Variants in NT5M observed in about 807,000 individuals in gnomAD.
NT5M encodes the protein 5'(3')-deoxyribonucleotidase, mitochondrial.
A neutral mutation model predicts 22.2 loss-of-function variants in NT5M; 22 were observed. The ratio of observed to expected loss-of-function variants is 0.99; its 90% CI spans 0.71 to 1.41. The LOEUF is 1.41. Among genes scored for constraint, NT5M ranks in the 40% most tolerant of loss-of-function variants. The probability of loss-of-function intolerance (pLI) is 0.00; values close to 1 mark genes in which losing one functional copy is unlikely to be tolerated. For missense variants in NT5M, 322 were observed against 314.8 expected (o/e 1.02, Z -0.17); for synonymous variants, 167 against 133.0 (o/e 1.26, Z -1.76).
chr17:17,308,385 A>G (rs2048854635), intron 2 of NT5M, among the ~76,000 whole-genome samples: 1 of 152,004 alleles, frequency 6.6e-6, no homozygotes, highest in Non-Finnish European at 1.5e-5. Flanking sequence ...AGAGGTCAGG[A>G]GTTCGAGACC....
rs889209759 is a variant in NT5M at position 17,347,159 on chromosome 17, G to C, written c.*212G>C. On this transcript the variant is annotated 3_prime_UTR_variant, in exon 5 of 5. Coordinates refer to ENST00000389022, the MANE Select transcript of NT5M (RefSeq NM_020201.4). ...CCTCTGGGCGCTTGGACATAGACACGTGGTCCCAGGCCGTTCAGCCTGACC... is the reference window on the plus strand; with the variant it reads ...CCTCTGGGCGCTTGGACATAGACACCTGGTCCCAGGCCGTTCAGCCTGACC... The C allele has an allele frequency of 9.5e-6, 6 of 630,956 alleles. No homozygotes were observed. Among genetic ancestry groups the C allele is most frequent in the African/African-American group, 9.3e-5 (5 of 53,934 alleles). 39.1% of individuals were successfully genotyped at this position (630,956 alleles called of 1,614,324 possible). A position where few individuals can be genotyped will look rare whatever the true frequency, so the allele number is the denominator to read the frequency against.
At chr17:17,330,898 A>T (rs2049370794) in intron 3 of NT5M, among the ~76,000 whole-genome samples, 1 of 151,594 alleles carries the variant, frequency 6.6e-6, no homozygotes, top group South Asian at 2.1e-4. Context: ...ACATGCTACC[A>T]CACCTGTCTA....
At chr17:17,335,192 C>T (rs1432488988) in intron 3 of NT5M, among the ~76,000 whole-genome samples, 1 of 151,116 alleles carries the variant, frequency 6.6e-6, no homozygotes, top group African/African-American at 2.4e-5. Context: ...GTGTACAGTT[C>T]AGCTTATTTC....
chr17:17,318,480 CAAAAAA>C (rs71355545), intron 2 of NT5M, among the ~76,000 whole-genome samples: 2,883 of 42,088 alleles, frequency 0.068, 113 homozygotes, highest in African/African-American at 0.2. Context: ...GACTCTGTCT[CAAAAAA>C]AAAAAAAAAA....
chr17:17,322,176 A>G (rs1436123435), intron 2 of NT5M, among the ~76,000 whole-genome samples: 1 of 152,124 alleles, frequency 6.6e-6, no homozygotes, highest in Non-Finnish European at 1.5e-5. Flanking sequence ...AAGGGACAGT[A>G]ACTGGCAATG....
intron 1 of NT5M, chr17:17,304,576 C>G (rs775254283): frequency 1.2e-4 from 34 of 286,006 alleles, no homozygotes; most frequent in Non-Finnish European, 1.7e-4. Flanking sequence ...GATTGGCCAC[C>G]TAGGGTTGCT....
In NT5M at chr17:17,303,384, G is replaced by C; in HGVS notation, c.-167G>C. 2 of 813,722 alleles carry C rather than the reference G, an allele frequency of 2.5e-6. No homozygotes were observed. Among genetic ancestry groups the C allele is most frequent in the South Asian group, 5.6e-5 (1 of 17,772 alleles). 50.4% of individuals were successfully genotyped at this position (813,722 alleles called of 1,614,324 possible). A position where few individuals can be genotyped will look rare whatever the true frequency, so the allele number is the denominator to read the frequency against. On this transcript the variant is annotated 5_prime_UTR_variant, in exon 1 of 5. Transcript: ENST00000389022. ...CGCGCCGCGGCCTCGCTCTGGGGCC[G>C]GTACTTGCGCGCCCGCACCCCGCGC...
At position 17,309,115 on chromosome 17, in the gene NT5M, T is replaced by TTTTC. The variant is rs566523183; in HGVS notation, c.368+2484_368+2487dup. The stretch of plus-strand genomic sequence containing the variant: ...TTGTTTGAATCTTGTTTTCAATTCT[T>TTTTC]TTTCTTTCTTTCTTTTTTTTTTTTT... On this transcript the variant is annotated intron_variant, in intron 2 of 4. Coordinates refer to ENST00000389022, the MANE Select transcript of NT5M (RefSeq NM_020201.4). Among the ~76,000 whole-genome samples the TTTTC allele has an allele frequency of 4.5e-4, 68 of 149,564 alleles. 1 individual carries two copies. The South Asian group carries it at 0.01, about 23-fold the overall frequency.
At position 17,344,841 on chromosome 17, in the gene NT5M, T is replaced by G; in HGVS notation, c.477T>G (p.Ile159Met). 6.2e-7 allele frequency: 1 copy of G among 1,614,212 alleles called. No individual in the cohort carries two copies. The highest frequency in any genetic ancestry group is 8.5e-7 in the Non-Finnish European group (1 of 1,180,016). The change falls in exon 4 of 5, where the codon ATT (isoleucine) becomes ATG (methionine). Residue 159 changes from isoleucine to methionine, a missense_variant. Transcript: ENST00000389022. ...TTGGCCCTGACTTTCTGGAGCAGAT[T>G]GTGCTGACCAGAGACAAGACCGTGG... ...KYFGPDFLEQ[I>M]VLTRDKTVVS...
intron 3 of NT5M, among the ~76,000 whole-genome samples, chr17:17,325,100 G>A (rs745820876): frequency 3.9e-5 from 6 of 152,140 alleles, no homozygotes; most frequent in African/African-American, 7.2e-5. Context: ...TGGGTCTGAC[G>A]AGCCCGCCAG....
At chr17:17,305,394 G>GCCCCCCCCCCCCCCCCCCCCCCCC (rs34579357) in intron 1 of NT5M, among the ~76,000 whole-genome samples, 1 of 74,098 alleles carries the variant, frequency 1.3e-5, no homozygotes, top group African/African-American at 5.0e-5. Context: ...TAAAACAACC[G>GCCCCCCCCCCCCCCCCCCCCCCCC]CCCCCCCCCC....
intron 3 of NT5M, among the ~76,000 whole-genome samples, chr17:17,341,552 G>C (rs2049641393): frequency 6.6e-6 from 1 of 152,194 alleles, no homozygotes; most frequent in Admixed American, 6.5e-5. Context: ...CACTCACGAG[G>C]TAGATGCTGT....
intron 3 of NT5M, among the ~76,000 whole-genome samples, chr17:17,335,727 G>A (rs1361197388): frequency 1.3e-5 from 2 of 151,554 alleles, no homozygotes; most frequent in Non-Finnish European, 2.9e-5. Flanking sequence ...CTGCCTCCTG[G>A]GTTCAAGCAG....
Position 17,306,609 on chromosome 17 carries a change from GT to G in NT5M, c.335del (p.Val112GlyfsTer50). The G allele has an allele frequency of 2.5e-6, 4 of 1,613,930 alleles. No individual in the cohort carries two copies. Among genetic ancestry groups the G allele is most frequent in the Non-Finnish European group, 3.4e-6 (4 of 1,179,876 alleles). On this transcript the variant is annotated frameshift_variant, in exon 2 of 5. Transcript: ENST00000389022. LOFTEE classifies it high-confidence loss of function. ...FFELEPLPGAVEAVKEMASLQ... is the reference protein window; with the variant it reads ...FFELEPLPGAXEAVKEMASLQ... The stretch of plus-strand genomic sequence containing the variant: ...TGAACTTGAGCCTCTGCCAGGGGCC[GT>G]GGAAGCTGTCAAGGAGATGGCCAGC...
intron 3 of NT5M, among the ~76,000 whole-genome samples, chr17:17,330,595 C>T (rs1375466524): frequency 3.9e-5 from 6 of 151,914 alleles, no homozygotes; most frequent in Non-Finnish European, 8.8e-5. Flanking sequence ...AGGCTGGTCT[C>T]GAACTCCTGA....
At chr17:17,334,027 G>A (rs2049445009) in intron 3 of NT5M, among the ~76,000 whole-genome samples, 1 of 151,814 alleles carries the variant, frequency 6.6e-6, no homozygotes, top group Non-Finnish European at 1.5e-5. Context: ...TAGAGACGGG[G>A]TTTCATCGTG....
intron 2 of NT5M, among the ~76,000 whole-genome samples, chr17:17,320,537 T>C (rs9908168): frequency 0.62 from 93,716 of 152,072 alleles, 30,277 homozygotes; most frequent in East Asian, 0.79. Context: ...TAAAATAGAC[T>C]AGGAACTGAG....
intron 3 of NT5M, among the ~76,000 whole-genome samples, chr17:17,336,961 G>GT (rs2049527188): frequency 6.6e-6 from 1 of 152,184 alleles, no homozygotes; most frequent in African/African-American, 2.4e-5. Flanking sequence ...AAACATGGGA[G>GT]TGCGAGTATC....
chr17:17,307,882 C>G (rs1319336098), intron 2 of NT5M, among the ~76,000 whole-genome samples: 2 of 151,878 alleles, frequency 1.3e-5, no homozygotes, highest in African/African-American at 2.4e-5. Context: ...AACCCTGTCT[C>G]TACTAAAAAT....
Sources: gnomAD v4.1 joint callset for allele counts (sites outside exome capture counted in the v4.1 genomes callset) on GRCh38, gnomAD v4.1.1 for gene constraint, MANE v1.5 for transcripts, NCBI Gene and HGNC (gene_info 2026-07-23, HGNC 2026-07-21) for gene names.